The following NFAT5 variants were observed in gnomAD, a reference collection of about 807,000 sequenced individuals.
NFAT5 encodes the protein nuclear factor of activated T cells 5.
In NFAT5, 31 loss-of-function variants were observed where a neutral mutation model predicts 166.5. The observed-to-expected ratio is 0.19, with a 90% CI of 0.14 to 0.25. NFAT5 has a LOEUF of 0.25. Ranked by LOEUF, NFAT5 falls within the 10% of genes least tolerant of loss-of-function variation. The pLI, the probability that NFAT5 is intolerant of heterozygous loss-of-function variation, is 1.00. For synonymous variants in NFAT5, 612 were observed against 639.7 expected (o/e 0.96, Z 0.65); for missense variants, 1,449 against 1,821.8 (o/e 0.80, Z 3.72).
At chr16:69,612,593 C>T (rs9924264) in intron 2 of NFAT5, among the ~76,000 whole-genome samples, 24,390 of 151,994 alleles carry the variant, frequency 0.16, 2,139 homozygotes, top group East Asian at 0.36. Context: ...TGCCTATAAT[C>T]CCAGCACTTT....
rs2037661756 is a variant in NFAT5 at position 69,693,903 on chromosome 16, A to C, written c.4078A>C (p.Thr1360Pro). ...TTCCTCACTTCAGAACCCAGGTCCT[A>C]CCCAGTCGGAATCATCACAGACCCC... ...TVSSLQNPGP[T>P]QSESSQTPLF... Residue 1360 changes from threonine (T) to proline (P), a missense_variant, in exon 13 of 15, where the codon ACC (threonine) becomes CCC (proline). Around this residue, in one of 7 missense-constraint regions of NFAT5, gnomAD observed 891 missense variants for 993.0 expected, o/e 0.90. Coordinates refer to ENST00000349945, the MANE Select transcript of NFAT5 (RefSeq NM_138713.4). 2.5e-6 allele frequency: 4 copies of C among 1,614,220 alleles called. No homozygotes were observed. The highest frequency in any genetic ancestry group is 1.1e-5 in the South Asian group (1 of 91,082).
chr16:69,617,275 C>A lies in NFAT5; in HGVS notation c.128-9128C>A, dbSNP rs752179166. On this transcript the variant is annotated intron_variant, in intron 2 of 14. Coordinates refer to ENST00000349945, the MANE Select transcript of NFAT5 (RefSeq NM_138713.4). ...CTTAAAGCTCTATTGAAAAGGTACTCTTGTAAGATATCTAAAAATTATAAA... is the reference window on the plus strand; with the variant it reads ...CTTAAAGCTCTATTGAAAAGGTACTATTGTAAGATATCTAAAAATTATAAA... 5.3e-5 allele frequency among the ~76,000 whole-genome samples: 8 copies of A among 152,002 alleles called. 1 individual carries two copies. Among genetic ancestry groups the A allele is most frequent in the Non-Finnish European group, 1.2e-4 (8 of 68,002 alleles).
chr16:69,692,286 G>A lies in NFAT5; in HGVS notation c.2461G>A (p.Glu821Lys), dbSNP rs772872180. 1 of 1,614,184 alleles carries A rather than the reference G, an allele frequency of 6.2e-7. No homozygotes were observed. The highest frequency in any genetic ancestry group is 2.2e-5 in the East Asian group (1 of 44,890). ...GSVDLVQQVLEAQQQLSSVLF... is the reference protein window; with the variant it reads ...GSVDLVQQVLKAQQQLSSVLF... ...TGTTGACTTGGTCCAACAAGTTTTA[G>A]AGGCACAGCAGCAGTTATCTTCAGT... Residue 821 changes from glutamate to lysine, a missense_variant, in exon 13 of 15, where the codon GAG (glutamate) becomes AAG (lysine). This residue lies in a region of NFAT5 where 891 missense variants were observed against 993.0 expected (regional missense o/e 0.90). Coordinates refer to ENST00000349945, the MANE Select transcript of NFAT5 (RefSeq NM_138713.4).
intron 7 of NFAT5, among the ~76,000 whole-genome samples, chr16:69,660,330 G>A (rs539297014): frequency 5.3e-5 from 8 of 152,294 alleles, no homozygotes; most frequent in Non-Finnish European, 1.0e-4. Flanking sequence ...TCAGGAAGGT[G>A]AGGCAAGAGG....
intron 2 of NFAT5, among the ~76,000 whole-genome samples, chr16:69,619,152 C>G (rs143211265): frequency 1.3e-5 from 2 of 152,128 alleles, no homozygotes; most frequent in South Asian, 2.1e-4. Context: ...GATTTTTACT[C>G]TCTGACCCGA....
At chr16:69,609,241 A>T (rs1250850365) in intron 2 of NFAT5, among the ~76,000 whole-genome samples, 1 of 152,240 alleles carries the variant, frequency 6.6e-6, no homozygotes, top group African/African-American at 2.4e-5. Context: ...AGAGGTAGTA[A>T]ATACAAGCCA....
rs773954456 is a variant in NFAT5 at position 69,692,525 on chromosome 16, GCAGCAGCAGCAA to G, written c.2706_2717del (p.Gln903_Gln906del). Reference sequence around the variant, plus strand: ...ACACGTTATCTAATCAACAGCAGCAGCAGCAGCAGCAACAGCAAGTGATGGAATCTTCAGCCG... The same window carrying G: ...ACACGTTATCTAATCAACAGCAGCAGCAGCAAGTGATGGAATCTTCAGCCG... On this transcript the variant is annotated inframe_deletion, in exon 13 of 15. Coordinates refer to ENST00000349945, the MANE Select transcript of NFAT5 (RefSeq NM_138713.4). 1.2e-6 allele frequency: 2 copies of G among 1,614,082 alleles called. No individual in the cohort carries two copies. The highest frequency in any genetic ancestry group is 1.7e-6 in the Non-Finnish European group (2 of 1,180,006).
rs556284175 is a variant in NFAT5, at chr16:69,590,408, G to A, written c.127+21860G>A. 2.3e-4 allele frequency among the ~76,000 whole-genome samples: 35 copies of A among 152,264 alleles called. No individual in the cohort carries two copies. The South Asian group carries it at 5.8e-3, about 25-fold the overall frequency. On this transcript the variant is annotated intron_variant, in intron 2 of 14. Transcript: ENST00000349945. The stretch of plus-strand genomic sequence containing the variant: ...AAAAAACTGTATTAGTCAAAGTTCA[G>A]GATTTTTTGCGTAAATGTGATTTAA...
At chr16:69,626,255 A>G (rs969697497) in intron 2 of NFAT5, 148 bp from the exon 3 acceptor site, 1 of 615,404 alleles carries the variant, frequency 1.6e-6, no homozygotes, top group Non-Finnish European at 2.4e-6. Flanking sequence ...CTCAGCTGCT[A>G]ATAGCTCTTT....
intron 9 of NFAT5, among the ~76,000 whole-genome samples, chr16:69,672,482 T>C (rs1440517415): frequency 1.3e-5 from 2 of 152,250 alleles, no homozygotes; most frequent in East Asian, 3.8e-4. Flanking sequence ...TCCACTCCCA[T>C]GAACCAACAA....
Position 69,696,950 on chromosome 16 carries a change from T to C in NFAT5, c.*599T>C, listed in dbSNP as rs2037782988. 2 of 152,644 alleles carry C rather than the reference T, an allele frequency of 1.3e-5. No homozygotes were observed. The highest frequency in any genetic ancestry group is 1.3e-4 in the Admixed American group (2 of 15,276). 9.5% of individuals were successfully genotyped at this position (152,644 alleles called of 1,614,324 possible). On this transcript the variant is annotated 3_prime_UTR_variant, in exon 15 of 15. Transcript: ENST00000349945. ...ACTCTTGATTTAACACAAAGGCAGATGATACACTTATAAAACTGGGAACAG... is the reference window on the plus strand; with the variant it reads ...ACTCTTGATTTAACACAAAGGCAGACGATACACTTATAAAACTGGGAACAG...
chr16:69,647,206 T>G lies in NFAT5; in HGVS notation c.432T>G (p.Ser144Arg), dbSNP rs1202149948. Reference sequence around the variant, plus strand: ...GGGTAAGTGAAAAGCAGTTAACCAGTAACACAGTTCAGCAGCATCCATCAA... The same window carrying G: ...GGGTAAGTGAAAAGCAGTTAACCAGGAACACAGTTCAGCAGCATCCATCAA... ...NRGVSEKQLTSNTVQQHPSTP... is the reference protein window; with the variant it reads ...NRGVSEKQLTRNTVQQHPSTP... The change falls in exon 4 of 15, where the codon AGT becomes AGG. Residue 144 changes from serine to arginine, a missense_variant. Ser to Arg is a moderately radical substitution (Grantham distance 110). Around this residue, in one of 7 missense-constraint regions of NFAT5, gnomAD observed 172 missense variants for 194.5 expected, o/e 0.88. Transcript: ENST00000349945. The surrounding 1 kb of genome is among the most constrained non-coding windows in gnomAD (Gnocchi z 4.8). The G allele has an allele frequency of 1.2e-6, 2 of 1,613,958 alleles. No individual in the cohort carries two copies. The highest frequency in any genetic ancestry group is 1.7e-6 in the Non-Finnish European group (2 of 1,179,958).
At chr16:69,598,319 A>C (rs914826236) in intron 2 of NFAT5, among the ~76,000 whole-genome samples, 2 of 150,660 alleles carry the variant, frequency 1.3e-5, no homozygotes, top group African/African-American at 4.9e-5. Context: ...TTGAGGCTGC[A>C]GTGAGCCATG....
At chr16:69,684,451 C>G (rs559605375) in intron 10 of NFAT5, among the ~76,000 whole-genome samples, 1 of 151,474 alleles carries the variant, frequency 6.6e-6, no homozygotes, top group Non-Finnish European at 1.5e-5. Context: ...ATCCCAGCTA[C>G]TCGGGAGGCT....
chr16:69,601,082 A>G (rs535638907), intron 2 of NFAT5, among the ~76,000 whole-genome samples: 7 of 152,260 alleles, frequency 4.6e-5, no homozygotes, highest in African/African-American at 1.7e-4. Context: ...TTAGTCCATT[A>G]GAATTTACGC....
intron 2 of NFAT5, among the ~76,000 whole-genome samples, chr16:69,616,705 C>T (rs760468023): frequency 6.6e-5 from 10 of 152,076 alleles, no homozygotes; most frequent in Non-Finnish European, 1.3e-4. Context: ...TCTGACACCA[C>T]ACACTAGGCT....
intron 2 of NFAT5, among the ~76,000 whole-genome samples, chr16:69,601,983 A>T (rs2033155161): frequency 6.6e-6 from 1 of 152,194 alleles, no homozygotes; most frequent in South Asian, 2.1e-4. Context: ...CTTGTAATCT[A>T]CAGTGTTGAG....
At chr16:69,615,110 C>T (rs1351299731) in intron 2 of NFAT5, among the ~76,000 whole-genome samples, 2 of 149,646 alleles carry the variant, frequency 1.3e-5, no homozygotes, top group East Asian at 2.0e-4. Context: ...GGCGCGACCT[C>T]GGCTCACTGC....
At chr16:69,651,858 G>A (rs1293274780) in intron 4 of NFAT5, among the ~76,000 whole-genome samples, 1 of 151,924 alleles carries the variant, frequency 6.6e-6, no homozygotes, top group Non-Finnish European at 1.5e-5. Context: ...TTTTAGTAGA[G>A]ACGGGGTTTC....
Sources: gnomAD v4.1 joint callset for allele counts (sites outside exome capture counted in the v4.1 genomes callset) on GRCh38, gnomAD v4.1.1 for gene constraint, gnomAD v4.1.1 regional missense constraint, Gnocchi (gnomAD v3.1) non-coding constraint, MANE v1.5 for transcripts, NCBI Gene and HGNC (gene_info 2026-07-23, HGNC 2026-07-21) for gene names.